Variants in PDHX observed in about 807,000 individuals in gnomAD.
The protein encoded by PDHX is pyruvate dehydrogenase complex component X, also known as pyruvate dehydrogenase protein X component, mitochondrial.
A neutral mutation model predicts 55.3 loss-of-function variants in PDHX; 33 were observed. The observed-to-expected ratio is 0.60, with a 90% CI of 0.45 to 0.80. The LOEUF (loss-of-function observed/expected upper bound fraction) is 0.80, where lower values mean the gene tolerates loss of function less well. PDHX is among the 30% of genes least tolerant of loss of function. PDHX has a pLI of 0.00. For synonymous variants in PDHX, 226 were observed against 219.4 expected, an observed-to-expected ratio of 1.03 and a Z score of -0.27; for missense variants, 622 against 619.9, an observed-to-expected ratio of 1.00 and a Z score of -0.04.
At position 34,970,170 on chromosome 11, in the gene PDHX, T is replaced by C. The variant is rs769015094; in HGVS notation, c.848T>C (p.Ile283Thr). 5.0e-6 allele frequency: 8 copies of C among 1,613,168 alleles called. No individual in the cohort carries two copies. The highest frequency in any genetic ancestry group is 6.8e-6 in the Non-Finnish European group (8 of 1,179,148). Residue 283 changes from isoleucine (I) to threonine (T), a missense_variant, in exon 7 of 11, where the codon ATT becomes ACT. Physicochemically the swap from Ile to Thr is moderately conservative, Grantham distance 89. Transcript: ENST00000227868. ...GTFTEIPASN[I>T]RRVIAKRLTE... is the part of the protein sequence containing the mutation. ...TTCACTGAAATCCCCGCCAGCAATA[T>C]TCGAAGAGTTATTGCCAAGAGATTA...
At chr11:34,983,709 A>G (rs1037238956) in intron 8 of PDHX, among the ~76,000 whole-genome samples, 13 of 152,140 alleles carry the variant, frequency 8.5e-5, no homozygotes, top group African/African-American at 2.7e-4. Flanking sequence ...TAGGAATCCA[A>G]CTTACAAGGG....
intron 8 of PDHX, among the ~76,000 whole-genome samples, chr11:34,979,605 C>G (rs1260917560): frequency 2.0e-5 from 3 of 152,158 alleles, no homozygotes; most frequent in Non-Finnish European, 4.4e-5. Context: ...CATGCCCTTT[C>G]AGCAGTATCT....
intron 5 of PDHX, among the ~76,000 whole-genome samples, chr11:34,962,608 G>A (rs1855041549): frequency 6.6e-6 from 1 of 152,144 alleles, no homozygotes; most frequent in South Asian, 2.1e-4. Context: ...TAAAGCAATA[G>A]TTATAATTGA....
At chr11:34,930,982 G>T (rs1415375419) in intron 1 of PDHX, among the ~76,000 whole-genome samples, 1 of 152,148 alleles carries the variant, frequency 6.6e-6, no homozygotes, top group East Asian at 1.9e-4. Context: ...CCGTGTTTTT[G>T]TTGTTGTTGC....
Position 34,987,513 on chromosome 11 carries a change from A to G in PDHX, c.1182+2785A>G, listed in dbSNP as rs776452184. On this transcript the variant is annotated intron_variant, in intron 9 of 10. Transcript: ENST00000227868. ...AAAGAAAGTTTATGTGTGTGTGTGT[A>G]TGTGTAAGAGAGAGAGATCTGAGCT... Among the ~76,000 whole-genome samples the G allele has an allele frequency of 1.7e-4, 26 of 151,638 alleles. No homozygotes were observed. In the Middle Eastern group the frequency reaches 0.01, roughly 60 times the overall value.
At chr11:34,967,721 A>T (rs1398223884) in intron 6 of PDHX, among the ~76,000 whole-genome samples, 1 of 152,208 alleles carries the variant, frequency 6.6e-6, no homozygotes, top group Non-Finnish European at 1.5e-5. Flanking sequence ...AAATAAATAG[A>T]TAAATGTGTA....
Position 34,995,275 on chromosome 11 carries a change from A to G in PDHX, c.*103A>G. ...AACTTGGTATTTAAGTATGAAGTGG[A>G]TGAAATGTTTATTTATTTAAGGTGA... On this transcript the variant is annotated 3_prime_UTR_variant, in exon 11 of 11. Transcript: ENST00000227868. 7.9e-7 allele frequency: 1 copy of G among 1,259,000 alleles called. No individual in the cohort carries two copies. Among genetic ancestry groups the G allele is most frequent in the Non-Finnish European group, 1.2e-6 (1 of 863,612 alleles). The allele number at this position is 1,259,000 out of a possible 1,614,324, so 78.0% of individuals were successfully genotyped here.
At chr11:34,951,407 A>G (rs1854766353) in intron 3 of PDHX, among the ~76,000 whole-genome samples, 1 of 152,022 alleles carries the variant, frequency 6.6e-6, no homozygotes, top group African/African-American at 2.4e-5. Flanking sequence ...GTGAGATGGT[A>G]TCTCATTGTG....
At chr11:34,930,424 G>T (rs565365451) in intron 1 of PDHX, among the ~76,000 whole-genome samples, 8 of 152,194 alleles carry the variant, frequency 5.3e-5, no homozygotes, top group Non-Finnish European at 1.2e-4. Flanking sequence ...CAATTTCCTT[G>T]CTTTTAACCC....
intron 9 of PDHX, 101 bp downstream of exon 9, chr11:34,984,829 TTGTG>T: frequency 5.2e-6 from 6 of 1,155,414 alleles, no homozygotes; most frequent in Non-Finnish European, 7.8e-6. Flanking sequence ...ACTGTGATTT[TTGTG>T]TGTGTGAAGG....
intron 6 of PDHX, among the ~76,000 whole-genome samples, chr11:34,969,337 GTTTTTTTTCTTT>G (rs1200210965): frequency 6.7e-6 from 1 of 149,316 alleles, no homozygotes; most frequent in African/African-American, 2.5e-5. Flanking sequence ...ATTTCAGGTG[GTTTTTTTTCTTT>G]TTTTTTTTTT....
intron 2 of PDHX, among the ~76,000 whole-genome samples, chr11:34,944,253 G>C (rs1246311753): frequency 2.0e-5 from 3 of 151,878 alleles, no homozygotes; most frequent in African/African-American, 7.3e-5. Context: ...CCGAGTAGCT[G>C]GGACCACAGG....
chr11:34,940,411 G>A (rs1194371240), intron 2 of PDHX, among the ~76,000 whole-genome samples: 1 of 152,088 alleles, frequency 6.6e-6, no homozygotes, highest in Non-Finnish European at 1.5e-5. Flanking sequence ...AGAGTTATAT[G>A]GGTCTCTGGA....
At chr11:34,966,603 T>C in intron 5 of PDHX, 37 bp from the exon 6 acceptor site, 1 of 1,599,070 alleles carries the variant, frequency 6.3e-7, no homozygotes, top group Non-Finnish European at 8.6e-7. Context: ...TATTCCTTAT[T>C]GCTAATTATG....
At chr11:34,952,416 G>A (rs1240972479) in intron 3 of PDHX, among the ~76,000 whole-genome samples, 6 of 152,132 alleles carry the variant, frequency 3.9e-5, no homozygotes, top group African/African-American at 9.7e-5. Context: ...AGTATCCTTG[G>A]TGAACATTGA....
intron 9 of PDHX, among the ~76,000 whole-genome samples, chr11:34,989,756 G>C (rs1009665051): frequency 1.3e-5 from 2 of 151,958 alleles, no homozygotes; most frequent in Non-Finnish European, 2.9e-5. Flanking sequence ...TCATTACCCT[G>C]TTTTATTGTC....
intron 2 of PDHX, among the ~76,000 whole-genome samples, chr11:34,934,709 G>T (rs1854265717): frequency 6.6e-6 from 1 of 150,424 alleles, no homozygotes; most frequent in African/African-American, 2.4e-5. Context: ...CTCTTGAGTA[G>T]CTGGGACCAC....
intron 7 of PDHX, among the ~76,000 whole-genome samples, chr11:34,972,826 A>G (rs1420767501): frequency 6.6e-6 from 1 of 152,158 alleles, no homozygotes. Flanking sequence ...TTTCTCTTTT[A>G]TGATTTCTAG....
intron 8 of PDHX, 50 bp from the exon 9 acceptor site, chr11:34,984,520 C>T (rs769313646): frequency 6.6e-7 from 1 of 1,512,152 alleles, no homozygotes; most frequent in South Asian, 1.1e-5. Context: ...CTGTAACCGC[C>T]TTGGTCTAAA....
Sources: gnomAD v4.1 joint callset for allele counts (sites outside exome capture counted in the v4.1 genomes callset) on GRCh38, gnomAD v4.1.1 for gene constraint, MANE v1.5 for transcripts, NCBI Gene and HGNC (gene_info 2026-07-23, HGNC 2026-07-21) for gene names.